OTOF: variants seen among roughly 807,000 people sequenced by gnomAD.
OTOF encodes the protein otoferlin.
A neutral mutation model predicts 236.8 loss-of-function variants in OTOF; 218 were observed. The ratio of observed to expected loss-of-function variants is 0.92; its 90% CI spans 0.82 to 1.03. The LOEUF (loss-of-function observed/expected upper bound fraction) is 1.03. OTOF is among the 50% of genes least tolerant of loss of function. The probability of loss-of-function intolerance (pLI) is 0.00; values close to 1 mark genes in which losing one functional copy is unlikely to be tolerated. For missense variants in OTOF, 2,590 were observed against 2,694.4 expected (o/e 0.96, Z 0.86); for synonymous variants, 1,041 against 1,072.5 (o/e 0.97, Z 0.57).
intron 36 of OTOF, chr2:26,466,353 T>C (rs1376172429): frequency 3.8e-6 from 2 of 527,960 alleles, no homozygotes; most frequent in Middle Eastern, 1.0e-3. Context: ...TTTTTTTCCT[T>C]TGAGACAGAG....
Position 26,473,877 on chromosome 2 carries a change from G to A in OTOF, c.3408+114C>T. 1 of 1,409,520 alleles carries A rather than the reference G, an allele frequency of 7.1e-7. No homozygotes were observed. Among genetic ancestry groups the A allele is most frequent in the South Asian group, 1.2e-5 (1 of 85,812 alleles). The allele number at this position is 1,409,520 out of a possible 1,614,324, so 87.3% of individuals were successfully genotyped here. A position where few individuals can be genotyped will look rare whatever the true frequency, so the allele number is the denominator to read the frequency against. ...AGGCCCTGGGCTGGGGCAGGAGCCT[G>A]GGTCTGCTGCTGGCTCCTGGTGATG... On this transcript the variant is annotated intron_variant, in intron 27 of 46. Coordinates refer to ENST00000272371, the MANE Select transcript of OTOF (RefSeq NM_194248.3). The surrounding 1 kb of genome is among the most constrained non-coding windows in gnomAD (Gnocchi z 7.2).
Position 26,474,591 on chromosome 2 carries a change from TG to T in OTOF, c.3209del (p.Pro1070HisfsTer76). ...AGATCTGGTAGTACTCGAGCTGAGG[TG>T]GGAAGCGGGGTGGGCAGTACGCCTC... ...ADEAYCPPRF[P>X]PQLEYYQIYR... On this transcript the variant is annotated frameshift_variant, in exon 26 of 47. Coordinates refer to ENST00000272371, the MANE Select transcript of OTOF (RefSeq NM_194248.3). LOFTEE classifies it high-confidence loss of function. The T allele has an allele frequency of 6.2e-7, 1 of 1,613,242 alleles. No individual in the cohort carries two copies. Among genetic ancestry groups the T allele is most frequent in the Non-Finnish European group, 8.5e-7 (1 of 1,179,980 alleles).
chr2:26,520,448 G>A lies in OTOF; in HGVS notation c.228-1339C>T, dbSNP rs150951436. On this transcript the variant is annotated intron_variant, in intron 3 of 46. Coordinates refer to ENST00000272371, the MANE Select transcript of OTOF (RefSeq NM_194248.3). ...AAATCTTCCCATCTGTGTGAGGGGA[G>A]GAAGTGGTAGGGGCAGCCATGAGGA... is the stretch of plus-strand genomic sequence containing the variant. Among the ~76,000 whole-genome samples, 169 of 152,344 alleles carry A rather than the reference G, an allele frequency of 1.1e-3. 2 individuals carry two copies. The East Asian group carries it at 0.026, about 23-fold the overall frequency.
intron 2 of OTOF, among the ~76,000 whole-genome samples, chr2:26,530,100 C>G (rs1446910918): frequency 6.6e-6 from 1 of 151,536 alleles, no homozygotes; most frequent in Non-Finnish European, 1.5e-5. Flanking sequence ...ATTTGGTTTA[C>G]TGGGGATGAA....
At chr2:26,469,456 T>C (rs575481736) in intron 32 of OTOF, among the ~76,000 whole-genome samples, 2 of 152,348 alleles carry the variant, frequency 1.3e-5, no homozygotes, top group Non-Finnish European at 2.9e-5. Flanking sequence ...TGTGAAAGAT[T>C]ACATTTCCCA....
At chr2:26,489,402 G>T in intron 10 of OTOF, 107 bp from the exon 11 acceptor site, 1 of 865,506 alleles carries the variant, frequency 1.2e-6, no homozygotes, top group Non-Finnish European at 1.9e-6. Flanking sequence ...GGCGTTGGCA[G>T]AGTGGGGTGG....
chr2:26,485,336 G>A lies in OTOF; in HGVS notation c.1046-703C>T, dbSNP rs148825850. Among the ~76,000 whole-genome samples, 134 of 152,206 alleles carry A rather than the reference G, an allele frequency of 8.8e-4. No individual in the cohort carries two copies. The Middle Eastern group carries it at 0.024, about 27-fold the overall frequency. On this transcript the variant is annotated intron_variant, in intron 11 of 46. Transcript: ENST00000272371. ...CCATGCAGCCCTCCCTGACTTCCTC[G>A]GAAGAGTTGATCCTGGGCTCTTTAG...
intron 33 of OTOF, 22 bp downstream of exon 33, chr2:26,468,386 A>G (rs1664831633): frequency 6.3e-7 from 1 of 1,599,744 alleles, no homozygotes; most frequent in East Asian, 2.2e-5. Flanking sequence ...GAGGAGGCAG[A>G]GTTCCAGGTT....
rs925466203 is a variant in OTOF, at chr2:26,463,340, G to A, written c.5192+143C>T. The stretch of plus-strand genomic sequence containing the variant: ...GGTTGGTCAGTTTCTCCCCTATAAG[G>A]CCCAGTGGCCACACCCAGGCCCCAG... On this transcript the variant is annotated intron_variant, in intron 41 of 46. Coordinates refer to ENST00000272371, the MANE Select transcript of OTOF (RefSeq NM_194248.3). 1.4e-4 allele frequency: 105 copies of A among 734,854 alleles called. No homozygotes were observed. In the East Asian group the frequency reaches 2.5e-3, roughly 18 times the overall value. The allele number at this position is 734,854 out of a possible 1,614,324, so 45.5% of individuals were successfully genotyped here.
At position 26,537,738 on chromosome 2, in the gene OTOF, T is replaced by A; in HGVS notation, c.116A>T (p.Glu39Val). ...SFYSRVLENCEDVADFDETFR... is the reference protein window; with the variant it reads ...SFYSRVLENCVDVADFDETFR... ...TACCTCATCAAAGTCAGCCACATCC[T>A]CACAGTTCTCCAGGACCCGAGAGTA... The change falls in exon 2 of 47, where the codon GAG (glutamate) becomes GTG (valine). Residue 39 changes from glutamate to valine, a missense_variant. Physicochemically the swap from Glu to Val is moderately radical, Grantham distance 121 (BLOSUM62 -2). Around this residue, in one of 2 missense-constraint regions of OTOF, gnomAD observed 1,379 missense variants for 1,341.6 expected, o/e 1.03. Transcript: ENST00000272371. 1 of 1,555,402 alleles carries A rather than the reference T, an allele frequency of 6.4e-7. No homozygotes were observed. The highest frequency in any genetic ancestry group is 8.7e-7 in the Non-Finnish European group (1 of 1,148,678).
At chr2:26,514,227 C>T (rs1666463086) in intron 5 of OTOF, among the ~76,000 whole-genome samples, 1 of 152,280 alleles carries the variant, frequency 6.6e-6, no homozygotes, top group Non-Finnish European at 1.5e-5. Flanking sequence ...TGTGCTCCTG[C>T]ACACTGCCCC....
At position 26,538,882 on chromosome 2, in the gene OTOF, C is replaced by T. The variant is rs963252897; in HGVS notation, c.80-1108G>A. Among the ~76,000 whole-genome samples the T allele has an allele frequency of 1.4e-4, 21 of 149,920 alleles. No individual in the cohort carries two copies. In the South Asian group the frequency reaches 2.1e-3, roughly 15 times the overall value. On this transcript the variant is annotated intron_variant, in intron 1 of 46. Transcript: ENST00000272371. ...AGGCTGGATTGCAGTGGCACGATCT[C>T]GGCTCACTGCAACCTCCGCCTCCTG...
rs1171483566 is a variant in OTOF at position 26,465,967 on chromosome 2, A to T, written c.4610T>A (p.Leu1537His). 1 of 1,614,212 alleles carries T rather than the reference A, an allele frequency of 6.2e-7. No individual in the cohort carries two copies. The highest frequency in any genetic ancestry group is 2.2e-5 in the East Asian group (1 of 44,890). Residue 1537 changes from leucine (L) to histidine (H), a missense_variant, in exon 37 of 47, where the codon CTC (leucine) becomes CAC (histidine). Physicochemically the swap from Leu to His is moderately conservative, Grantham distance 99. Transcript: ENST00000272371. ...GCCTTACTTCCCAAAGACAGGGTTG[A>T]GCTGCTTGGAGATGTAGTTCTCCTT... is the stretch of plus-strand genomic sequence containing the variant. ...RDKENYISKQ[L>H]NPVFGKSFDI...
At chr2:26,489,607 C>A in intron 10 of OTOF, 71 bp downstream of exon 10, 1 of 1,322,560 alleles carries the variant, frequency 7.6e-7, no homozygotes. Context: ...CAGAGGGGGC[C>A]CCTCTCAAGT....
chr2:26,533,045 G>A (rs879491155), intron 2 of OTOF, among the ~76,000 whole-genome samples: 6 of 152,180 alleles, frequency 3.9e-5, no homozygotes, highest in Non-Finnish European at 7.4e-5. Context: ...CACACAGCAA[G>A]AGGTGAGCCG....
At chr2:26,474,969 C>T (rs746768405) in intron 25 of OTOF, among the ~76,000 whole-genome samples, 3 of 152,052 alleles carry the variant, frequency 2.0e-5, no homozygotes, top group African/African-American at 7.2e-5. Flanking sequence ...CGCTAACTCT[C>T]GGGGGTCACC....
At position 26,462,114 on chromosome 2, in the gene OTOF, C is replaced by T. The variant is rs1664494435; in HGVS notation, c.5260G>A (p.Gly1754Arg). Residue 1754 changes from glycine (G) to arginine (R), a missense_variant, in exon 42 of 47, where the codon GGG becomes AGG. By Grantham distance (125) the Gly-to-Arg change is moderately radical. Coordinates refer to ENST00000272371, the MANE Select transcript of OTOF (RefSeq NM_194248.3). The surrounding 1 kb of genome is among the most constrained non-coding windows in gnomAD (Gnocchi z 4.7). ...VVLEDDDFFT[G>R]EKSSDIFVRG... ...ACGAAGATGTCACTGGACTTCTCCCCTGTGAAGAAGTCGTCGTCCTCCAAG... is the reference window on the plus strand; with the variant it reads ...ACGAAGATGTCACTGGACTTCTCCCTTGTGAAGAAGTCGTCGTCCTCCAAG... 1 of 1,614,044 alleles carries T rather than the reference C, an allele frequency of 6.2e-7. No individual in the cohort carries two copies. Among genetic ancestry groups the T allele is most frequent in the Non-Finnish European group, 8.5e-7 (1 of 1,180,002 alleles).
At position 26,477,850 on chromosome 2, in the gene OTOF, A is replaced by G. The variant is rs1665395813; in HGVS notation, c.2215-101T>C. The G allele has an allele frequency of 6.4e-7, 1 of 1,564,432 alleles. No homozygotes were observed. Among genetic ancestry groups the G allele is most frequent in the East Asian group, 2.4e-5 (1 of 41,712 alleles). ...GATCAGGGGAGTGAGGGACCTCATG[A>G]TCTGGGAGCTCTCGCTAGGGCCATC... On this transcript the variant is annotated intron_variant, in intron 18 of 46. Transcript: ENST00000272371. The surrounding 1 kb of genome is among the most constrained non-coding windows in gnomAD (Gnocchi z 4.7).
intron 4 of OTOF, among the ~76,000 whole-genome samples, chr2:26,517,307 G>A (rs1198813452): frequency 6.6e-6 from 1 of 152,150 alleles, no homozygotes; most frequent in Non-Finnish European, 1.5e-5. Context: ...GTCTAGAGGT[G>A]ACTTGGTCCT....
Sources: allele counts gnomAD v4.1 joint callset (sites outside exome capture counted in the v4.1 genomes callset), GRCh38; gene constraint gnomAD v4.1.1; regional missense constraint gnomAD v4.1.1; non-coding constraint Gnocchi (gnomAD v3.1); transcripts MANE v1.5; gene names NCBI Gene and HGNC (gene_info 2026-07-23, HGNC 2026-07-21).